Variants in MCC observed in about 807,000 individuals in gnomAD.
MCC encodes the protein MCC regulator of Wnt signaling pathway, also known as colorectal mutant cancer protein.
MCC carries 90 observed loss-of-function variants against 116.2 expected under a neutral mutation model. The ratio of observed to expected loss-of-function variants is 0.77; its 90% CI spans 0.65 to 0.92. The LOEUF is 0.92. MCC is among the 40% of genes least tolerant of loss of function. MCC has a pLI of 0.00. For missense variants in MCC, 1,516 were observed against 1,312.2 expected (o/e 1.16, Z -2.40); for synonymous variants, 578 against 510.5 (o/e 1.13, Z -1.78).
Position 113,385,026 on chromosome 5 carries a change from A to T in MCC, c.357T>A (p.Cys119Ter). 1 of 1,614,190 alleles carries T rather than the reference A, an allele frequency of 6.2e-7. No individual in the cohort carries two copies. Among genetic ancestry groups the T allele is most frequent in the South Asian group, 1.1e-5 (1 of 91,074 alleles). ...VDLSAKSDNS[C>*]TKKLRDRIAS... ...CAATTCTATCCCTCAGCTTCTTTGTACAGGAGTTGTCTGACTTTGCAGAAA... is the reference window on the plus strand; with the variant it reads ...CAATTCTATCCCTCAGCTTCTTTGTTCAGGAGTTGTCTGACTTTGCAGAAA... Residue 119 changes from cysteine to a stop codon, truncating the protein, a stop_gained, in exon 2 of 19, where the codon TGT becomes TGA. Transcript: ENST00000408903. LOFTEE classifies it high-confidence loss of function.
intron 1 of MCC, among the ~76,000 whole-genome samples, chr5:113,425,428 T>C (rs1237090833): frequency 6.6e-6 from 1 of 152,094 alleles, no homozygotes; most frequent in Non-Finnish European, 1.5e-5. Context: ...AGAAACACAG[T>C]ATATTGGGCT....
At chr5:113,437,900 G>T (rs1770909059) in intron 1 of MCC, among the ~76,000 whole-genome samples, 1 of 152,140 alleles carries the variant, frequency 6.6e-6, no homozygotes, top group South Asian at 2.1e-4. Context: ...AAGGGCTCCA[G>T]CTCCCTGCTT....
At chr5:113,090,655 G>C (rs1431144361) in intron 8 of MCC, among the ~76,000 whole-genome samples, 1 of 152,300 alleles carries the variant, frequency 6.6e-6, no homozygotes, top group East Asian at 1.9e-4. Context: ...TACCCAGAAG[G>C]ACGATGGCAG....
At chr5:113,100,389 T>TA (rs796196875) in intron 8 of MCC, among the ~76,000 whole-genome samples, 7 of 151,732 alleles carry the variant, frequency 4.6e-5, no homozygotes, top group African/African-American at 1.2e-4. Flanking sequence ...GCAAGTTATT[T>TA]ACAAGGTCTT....
At chr5:113,307,210 C>T (rs557864641) in intron 3 of MCC, among the ~76,000 whole-genome samples, 6 of 152,064 alleles carry the variant, frequency 3.9e-5, no homozygotes, top group South Asian at 4.1e-4. Flanking sequence ...TTTTGATAGG[C>T]GTGCACGGAG....
At chr5:113,249,457 C>T (rs893089930) in intron 3 of MCC, among the ~76,000 whole-genome samples, 5 of 152,212 alleles carry the variant, frequency 3.3e-5, no homozygotes, top group Non-Finnish European at 7.3e-5. Flanking sequence ...TTTTCCTTCA[C>T]AGCTTTCTGT....
chr5:113,205,247 G>A lies in MCC; in HGVS notation c.628-53825C>T, dbSNP rs115767724. On this transcript the variant is annotated intron_variant, in intron 3 of 18. Transcript: ENST00000408903. Reference sequence around the variant, plus strand: ...GAAGAGCAGGATCTAAGAATCAGAGGAGGTGGGTTTGAGATCTAGAATAAA... The same window carrying A: ...GAAGAGCAGGATCTAAGAATCAGAGAAGGTGGGTTTGAGATCTAGAATAAA... Among the ~76,000 whole-genome samples, 1,156 of 152,328 alleles carry A rather than the reference G, an allele frequency of 7.6e-3. 6 individuals are homozygous for A. The highest frequency in any genetic ancestry group is 0.014 in the African/African-American group (571 of 41,576).
intron 1 of MCC, among the ~76,000 whole-genome samples, chr5:113,405,848 G>A (rs946287977): frequency 4.6e-5 from 7 of 151,730 alleles, no homozygotes; most frequent in African/African-American, 7.3e-5. Context: ...GTTTTGTACC[G>A]TAAAAATACT....
In MCC at chr5:113,236,055, T is replaced by C. The variant is rs34278505; in HGVS notation, c.628-84633A>G. Among the ~76,000 whole-genome samples the C allele has an allele frequency of 7.7e-3, 1,169 of 152,320 alleles. 20 individuals are homozygous for C. The highest frequency in any genetic ancestry group is 0.026 in the African/African-American group (1,095 of 41,564). ...TTTCCTCATGTTCAGGTTGGGCCCCTTGGGTGCCTTTGAAGAGTAAATTCT... is the reference window on the plus strand; with the variant it reads ...TTTCCTCATGTTCAGGTTGGGCCCCCTGGGTGCCTTTGAAGAGTAAATTCT... On this transcript the variant is annotated intron_variant, in intron 3 of 18. Coordinates refer to ENST00000408903, the MANE Select transcript of MCC (RefSeq NM_001085377.2).
intron 3 of MCC, among the ~76,000 whole-genome samples, chr5:113,235,758 G>C (rs556370372): frequency 3.9e-5 from 6 of 152,204 alleles, no homozygotes; most frequent in Admixed American, 1.3e-4. Flanking sequence ...TCGGTTAAGA[G>C]ATTTTCCCAC....
In MCC at chr5:113,026,544, C is replaced by T. The variant is rs973753194; in HGVS notation, c.*758G>A. ...AGTCTTGGATATTAATAAGGCTCCA[C>T]TGAGAGGGAGAAATCCCAGAATCAA... On this transcript the variant is annotated 3_prime_UTR_variant, in exon 19 of 19. Transcript: ENST00000408903. The T allele has an allele frequency of 6.6e-6, 1 of 152,266 alleles. No homozygotes were observed. The highest frequency in any genetic ancestry group is 2.4e-5 in the African/African-American group (1 of 41,460). 9.4% of individuals were successfully genotyped at this position (152,266 alleles called of 1,614,324 possible). A position where few individuals can be genotyped will look rare whatever the true frequency, so the allele number is the denominator to read the frequency against.
At chr5:113,481,554 T>C (rs1451490597) in intron 1 of MCC, among the ~76,000 whole-genome samples, 1 of 151,968 alleles carries the variant, frequency 6.6e-6, no homozygotes, top group Non-Finnish European at 1.5e-5. Flanking sequence ...CTGGCCAACA[T>C]GGTGAAACCC....
At chr5:113,373,001 A>AC (rs1293359178) in intron 2 of MCC, among the ~76,000 whole-genome samples, 2 of 151,830 alleles carry the variant, frequency 1.3e-5, no homozygotes, top group African/African-American at 4.8e-5. Flanking sequence ...ACACCATGAA[A>AC]CCCCGTCTTT....
intron 3 of MCC, among the ~76,000 whole-genome samples, chr5:113,261,780 G>T (rs191920293): frequency 6.7e-6 from 1 of 149,070 alleles, no homozygotes; most frequent in Non-Finnish European, 1.5e-5. Context: ...GAATTTACAG[G>T]TTCTTCCTAA....
intron 3 of MCC, among the ~76,000 whole-genome samples, chr5:113,173,403 C>T (rs1361341820): frequency 6.6e-6 from 1 of 152,170 alleles, no homozygotes; most frequent in Non-Finnish European, 1.5e-5. Flanking sequence ...TTATGTTACT[C>T]TAAATGACAA....
At chr5:113,046,710 A>AAAAG in intron 16 of MCC, among the ~76,000 whole-genome samples, 1,384 of 102,394 alleles carry the variant, frequency 0.014, 277 homozygotes, top group African/African-American at 0.051. Context: ...AAAAAAAAAA[A>AAAAG]AGAGAGAGAT....
chr5:113,083,357 G>C (rs1754994126), intron 10 of MCC, among the ~76,000 whole-genome samples: 1 of 152,100 alleles, frequency 6.6e-6, no homozygotes, highest in Non-Finnish European at 1.5e-5. Flanking sequence ...GCCACTCCAG[G>C]CCACTGTTTT....
At chr5:113,102,670 T>C (rs898396088) in intron 7 of MCC, among the ~76,000 whole-genome samples, 1 of 152,118 alleles carries the variant, frequency 6.6e-6, no homozygotes, top group African/African-American at 2.4e-5. Flanking sequence ...ACATGCATAT[T>C]AGGGAAAAAA....
intron 3 of MCC, among the ~76,000 whole-genome samples, chr5:113,292,360 G>A (rs748208102): frequency 1.8e-4 from 27 of 152,078 alleles, no homozygotes; most frequent in Non-Finnish European, 8.8e-5. Context: ...AAACTGGCTC[G>A]AAAGCAAGCA....
Sources: allele counts gnomAD v4.1 joint callset (sites outside exome capture counted in the v4.1 genomes callset), GRCh38; gene constraint gnomAD v4.1.1; transcripts MANE v1.5; gene names NCBI Gene and HGNC (gene_info 2026-07-23, HGNC 2026-07-21).